FMN1: variants seen among roughly 807,000 people sequenced by gnomAD.
FMN1 encodes formin 1.
FMN1 carries 110 observed loss-of-function variants against 132.4 expected under a neutral mutation model. The observed-to-expected ratio is 0.83, with a 90% CI of 0.71 to 0.97. FMN1 has a LOEUF of 0.97. FMN1 is among the 50% of genes least tolerant of loss of function. The probability of loss-of-function intolerance (pLI) is 0.00; values close to 1 mark genes in which losing one functional copy is unlikely to be tolerated. For synonymous variants in FMN1, 722 were observed against 651.7 expected, an observed-to-expected ratio of 1.11 and a Z score of -1.64; for missense variants, 1,792 against 1,705.3, an observed-to-expected ratio of 1.05 and a Z score of -0.90.
intron 10 of FMN1, among the ~76,000 whole-genome samples, chr15:32,917,969 C>T (rs1276326848): frequency 6.6e-6 from 1 of 152,086 alleles, no homozygotes; most frequent in Non-Finnish European, 1.5e-5. Context: ...TTAATTCATG[C>T]TAATACATGG....
At chr15:33,053,674 T>TA (rs937832848) in intron 6 of FMN1, among the ~76,000 whole-genome samples, 69 of 150,060 alleles carry the variant, frequency 4.6e-4, no homozygotes, top group East Asian at 4.5e-3. Context: ...CTCACAGACC[T>TA]AAAAAAAAAA....
chr15:33,123,903 C>G (rs1962800829), intron 4 of FMN1, among the ~76,000 whole-genome samples: 1 of 152,202 alleles, frequency 6.6e-6, no homozygotes. Context: ...AGGAATCTCT[C>G]TACATCTCTC....
At chr15:32,968,573 C>T (rs898191953) in intron 8 of FMN1, 141 bp downstream of exon 8, 11 of 1,290,988 alleles carry the variant, frequency 8.5e-6, no homozygotes, top group Non-Finnish European at 1.1e-5. Flanking sequence ...AACATCCCAA[C>T]ATTGTTTATC....
At chr15:32,836,398 T>C (rs1231611683) in intron 17 of FMN1, among the ~76,000 whole-genome samples, 1 of 152,190 alleles carries the variant, frequency 6.6e-6, no homozygotes, top group Non-Finnish European at 1.5e-5. Context: ...GAGGATAGTA[T>C]AGTTCACATT....
intron 4 of FMN1, among the ~76,000 whole-genome samples, chr15:33,113,807 C>T (rs1445215383): frequency 3.3e-5 from 5 of 152,214 alleles, no homozygotes; most frequent in African/African-American, 9.6e-5. Context: ...GACGGTCTTA[C>T]AGCTGAGGCC....
chr15:33,065,191 C>G (rs2037666950), intron 5 of FMN1, 117 bp from the exon 6 acceptor site: 1 of 617,578 alleles, frequency 1.6e-6, no homozygotes, highest in Non-Finnish European at 2.8e-6. Context: ...GCACATTGCT[C>G]TCATTCACTA....
intron 5 of FMN1, among the ~76,000 whole-genome samples, chr15:33,081,094 T>C (rs1474331149): frequency 1.3e-5 from 2 of 152,118 alleles, no homozygotes; most frequent in Non-Finnish European, 2.9e-5. Flanking sequence ...CGGAGGGTAC[T>C]CCACGGCAAA....
At chr15:32,956,805 A>T (rs1036351502) in intron 9 of FMN1, among the ~76,000 whole-genome samples, 9 of 152,196 alleles carry the variant, frequency 5.9e-5, no homozygotes, top group African/African-American at 2.2e-4. Flanking sequence ...AGCTGAAATA[A>T]TATAAACTTG....
chr15:33,124,142 T>C (rs1962828772), intron 4 of FMN1, among the ~76,000 whole-genome samples: 1 of 152,124 alleles, frequency 6.6e-6, no homozygotes. Flanking sequence ...CATCTCTAGA[T>C]CCAATAGATC....
At chr15:32,871,216 C>T (rs919129840) in intron 16 of FMN1, among the ~76,000 whole-genome samples, 1 of 152,182 alleles carries the variant, frequency 6.6e-6, no homozygotes, top group African/African-American at 2.4e-5. Context: ...ATTTTTAAAA[C>T]AGCAGAAAAA....
chr15:33,179,255 G>A (rs1221963170), intron 3 of FMN1, among the ~76,000 whole-genome samples: 1 of 152,046 alleles, frequency 6.6e-6, no homozygotes, highest in African/African-American at 2.4e-5. Flanking sequence ...ATGGCAGTAG[G>A]AAATGTGAAA....
At chr15:32,903,129 T>C (rs543441803) in intron 12 of FMN1, among the ~76,000 whole-genome samples, 12 of 152,354 alleles carry the variant, frequency 7.9e-5, no homozygotes, top group Admixed American at 6.5e-4. Context: ...CTAACATCAA[T>C]TGATTTCGTA....
At chr15:33,169,635 G>T (rs1344637940) in intron 3 of FMN1, among the ~76,000 whole-genome samples, 1 of 150,896 alleles carries the variant, frequency 6.6e-6, no homozygotes, top group African/African-American at 2.4e-5. Flanking sequence ...AAGACACTTT[G>T]AAATAAAAGC....
chr15:32,914,924 T>C (rs908675706), intron 10 of FMN1, among the ~76,000 whole-genome samples: 3 of 152,136 alleles, frequency 2.0e-5, no homozygotes, highest in African/African-American at 7.2e-5. Context: ...AAAGGACAGG[T>C]AAAAGAAGTA....
Position 32,768,961 on chromosome 15 carries a change from A to C in FMN1, c.*5349T>G, listed in dbSNP as rs1567135554. The C allele has an allele frequency of 6.6e-6, 1 of 152,168 alleles. No homozygotes were observed. Among genetic ancestry groups the C allele is most frequent in the Non-Finnish European group, 1.5e-5 (1 of 68,030 alleles). 9.4% of individuals were successfully genotyped at this position (152,168 alleles called of 1,614,324 possible). On this transcript the variant is annotated 3_prime_UTR_variant, in exon 21 of 21. Coordinates refer to ENST00000616417, the MANE Select transcript of FMN1 (RefSeq NM_001277313.2). ...GCTCTTGACTGAAGGACACGATCCT[A>C]TCAGAGAAAGGTAAGAGAGAAAAGG...
At chr15:33,000,475 C>T (rs922505679) in intron 7 of FMN1, among the ~76,000 whole-genome samples, 18 of 132,320 alleles carry the variant, frequency 1.4e-4, no homozygotes, top group Admixed American at 1.1e-3. Context: ...AAAAAGGAGG[C>T]GGTGTAAATA....
At chr15:32,983,092 C>T (rs540131253) in intron 7 of FMN1, among the ~76,000 whole-genome samples, 1 of 152,226 alleles carries the variant, frequency 6.6e-6, no homozygotes, top group Admixed American at 6.5e-5. Context: ...GAATACATTG[C>T]CCAAAATTAG....
chr15:33,001,548 C>A (rs2034107202), intron 7 of FMN1, among the ~76,000 whole-genome samples: 1 of 142,382 alleles, frequency 7.0e-6, no homozygotes, highest in Non-Finnish European at 1.5e-5. Flanking sequence ...CCCCCCTCAT[C>A]CTCCTCCTCC....
chr15:33,067,297 C>T, intron 5 of FMN1: 1 of 1,613,932 alleles, frequency 6.2e-7, no homozygotes, highest in Non-Finnish European at 8.5e-7. Flanking sequence ...CTGCACCATT[C>T]ATTTCCCCAG....
Sources: gnomAD v4.1 joint callset for allele counts (sites outside exome capture counted in the v4.1 genomes callset) on GRCh38, gnomAD v4.1.1 for gene constraint, MANE v1.5 for transcripts, NCBI Gene and HGNC (gene_info 2026-07-23, HGNC 2026-07-21) for gene names.